The following P2RY8 variants were observed in gnomAD, a reference collection of about 807,000 sequenced individuals.
The protein encoded by P2RY8 is S-geranylgeranyl-glutathione receptor P2RY8.
P2RY8 carries 6 observed loss-of-function variants against 10.0 expected under a neutral mutation model. That is an observed-to-expected ratio of 0.60 (90% CI 0.33 to 1.19). P2RY8 has a LOEUF of 1.19. P2RY8 is among the 50% of genes most tolerant of loss of function. The probability of loss-of-function intolerance (pLI) is 0.04; values close to 1 mark genes in which losing one functional copy is unlikely to be tolerated. For missense variants in P2RY8, 456 were observed against 542.0 expected, an observed-to-expected ratio of 0.84 and a Z score of 1.58; for synonymous variants, 276 against 252.5, an observed-to-expected ratio of 1.09 and a Z score of -0.88.
intron 1 of P2RY8, among the ~76,000 whole-genome samples, chrX:1,505,482 G>A (rs1321040638): frequency 6.6e-6 from 1 of 152,166 alleles, no homozygotes; most frequent in East Asian, 1.9e-4. Context: ...TGAAGATGAA[G>A]CTAGGTGTCT....
chrX:1,488,328 G>GT (rs1483614883), intron 1 of P2RY8, among the ~76,000 whole-genome samples: 2 of 152,168 alleles, frequency 1.3e-5, no homozygotes, highest in African/African-American at 4.8e-5. Context: ...CTGGGGTGGT[G>GT]TTTCCCCTGC....
rs148106254 is a variant in P2RY8 at position 1,519,460 on chromosome X, T to G, written c.-25+17461A>C. On this transcript the variant is annotated intron_variant, in intron 1 of 1. Coordinates refer to ENST00000381297, the MANE Select transcript of P2RY8 (RefSeq NM_178129.5). ...TCCAATAATATCTCTGATCCCAATA[T>G]TCTCTCTGGTTCCCAATAATCTCTC... is the stretch of plus-strand genomic sequence containing the variant. Among the ~76,000 whole-genome samples the G allele has an allele frequency of 3.3e-4, 50 of 151,068 alleles. No individual in the cohort carries two copies. In the East Asian group the frequency reaches 1.0e-2, roughly 30 times the overall value.
At chrX:1,468,363 C>CT (rs1312890588) in intron 1 of P2RY8, among the ~76,000 whole-genome samples, 17 of 152,346 alleles carry the variant, frequency 1.1e-4, no homozygotes, top group Admixed American at 3.9e-4. Context: ...CCTGTGTGGT[C>CT]TGGGGATCCA....
At chrX:1,506,453 G>T (rs1207729834) in intron 1 of P2RY8, among the ~76,000 whole-genome samples, 1 of 149,126 alleles carries the variant, frequency 6.7e-6, no homozygotes, top group Non-Finnish European at 1.5e-5. Context: ...TCTGAGAGAA[G>T]ACTGCCTCTT....
chrX:1,534,148 A>C (rs1176998373), intron 1 of P2RY8, among the ~76,000 whole-genome samples: 8 of 135,592 alleles, frequency 5.9e-5, no homozygotes, highest in Admixed American at 5.6e-4. Flanking sequence ...ATTTACATAT[A>C]TATTTATATA....
intron 1 of P2RY8, among the ~76,000 whole-genome samples, chrX:1,535,660 G>A (rs189441173): frequency 3.3e-5 from 5 of 150,044 alleles, no homozygotes; most frequent in Admixed American, 2.0e-4. Flanking sequence ...TCTCATCCAC[G>A]TTACGTAAAG....
rs865852167 is a variant in P2RY8, at chrX:1,483,143, T to C, written c.-24-16561A>G. ...TAAATAAATAAAGATCGTTGCTCAGTGTGAGTTGACGCGGACTTGCCTTAG... is the reference window on the plus strand; with the variant it reads ...TAAATAAATAAAGATCGTTGCTCAGCGTGAGTTGACGCGGACTTGCCTTAG... On this transcript the variant is annotated intron_variant, in intron 1 of 1. Transcript: ENST00000381297. Among the ~76,000 whole-genome samples the C allele has an allele frequency of 7.2e-5, 11 of 152,232 alleles. 1 individual carries two copies. The highest frequency in any genetic ancestry group is 3.4e-3 in the Middle Eastern group (1 of 294).
intron 1 of P2RY8, among the ~76,000 whole-genome samples, chrX:1,511,488 C>G (rs750983098): frequency 3.3e-5 from 5 of 152,360 alleles, no homozygotes; most frequent in Admixed American, 2.0e-4. Context: ...CTATACAAAT[C>G]AAGCTCCCCT....
intron 1 of P2RY8, among the ~76,000 whole-genome samples, chrX:1,505,601 C>T (rs1420824802): frequency 6.6e-6 from 1 of 152,110 alleles, no homozygotes; most frequent in East Asian, 1.9e-4. Flanking sequence ...ACCAGCCTGG[C>T]CAACATGGTG....
intron 1 of P2RY8, among the ~76,000 whole-genome samples, chrX:1,525,552 G>A (rs1164578852): frequency 3.3e-5 from 5 of 152,188 alleles, no homozygotes; most frequent in African/African-American, 1.2e-4. Flanking sequence ...GCATTAATTC[G>A]GGGCAATTGA....
intron 1 of P2RY8, among the ~76,000 whole-genome samples, chrX:1,485,430 C>A (rs1468536590): frequency 2.0e-5 from 3 of 152,046 alleles, no homozygotes; most frequent in South Asian, 4.1e-4. Context: ...TGAGCCACTG[C>A]GCCCAGCCCC....
chrX:1,504,214 G>A (rs1270044331), intron 1 of P2RY8, among the ~76,000 whole-genome samples: 2 of 151,796 alleles, frequency 1.3e-5, no homozygotes, highest in African/African-American at 4.8e-5. Context: ...TACTCGGGAG[G>A]CTGAGGCAGG....
chrX:1,487,666 C>T (rs1223240542), intron 1 of P2RY8, among the ~76,000 whole-genome samples: 1 of 152,158 alleles, frequency 6.6e-6, no homozygotes, highest in East Asian at 1.9e-4. Flanking sequence ...TTTCAGGGAC[C>T]ATACTGCATA....
At chrX:1,509,751 G>GTATCTATCTATCTA (rs1481742595) in intron 1 of P2RY8, among the ~76,000 whole-genome samples, 3 of 78,218 alleles carry the variant, frequency 3.8e-5, no homozygotes, top group African/African-American at 1.8e-4. Flanking sequence ...GTATCTATCT[G>GTATCTATCTATCTA]TCTATCTATC....
intron 1 of P2RY8, among the ~76,000 whole-genome samples, chrX:1,474,611 A>G (rs1198218210): frequency 3.4e-4 from 21 of 62,524 alleles, no homozygotes; most frequent in Admixed American, 8.2e-4. Context: ...TGGATGGATA[A>G]GTGGGTGGGT....
chrX:1,530,208 C>G (rs1316826242), intron 1 of P2RY8, among the ~76,000 whole-genome samples: 1 of 139,120 alleles, frequency 7.2e-6, no homozygotes. Context: ...ATCTATCTAT[C>G]TATCTATGTA....
At chrX:1,475,730 A>G (rs1431829568) in intron 1 of P2RY8, among the ~76,000 whole-genome samples, 3 of 152,228 alleles carry the variant, frequency 2.0e-5, no homozygotes, top group East Asian at 1.9e-4. Flanking sequence ...CAGAAACTCA[A>G]TGGAAGACAA....
At chrX:1,529,344 G>T (rs1160658330) in intron 1 of P2RY8, among the ~76,000 whole-genome samples, 1 of 152,072 alleles carries the variant, frequency 6.6e-6, no homozygotes, top group African/African-American at 2.4e-5. Flanking sequence ...GAGACCTGGG[G>T]GATGGGACAT....
intron 1 of P2RY8, among the ~76,000 whole-genome samples, chrX:1,479,145 G>A (rs1361843737): frequency 2.3e-4 from 35 of 152,302 alleles, no homozygotes; most frequent in African/African-American, 8.4e-4. Flanking sequence ...CTCTGTATTC[G>A]TGTTTGTCTT....
Sources: allele counts gnomAD v4.1 joint callset (sites outside exome capture counted in the v4.1 genomes callset), GRCh38; gene constraint gnomAD v4.1.1; transcripts MANE v1.5; gene names NCBI Gene and HGNC (gene_info 2026-07-23, HGNC 2026-07-21).